The following CYGB variants were observed in gnomAD, a reference collection of about 807,000 sequenced individuals.
CYGB encodes the protein histoglobin.
CYGB carries 13 observed loss-of-function variants against 20.7 expected under a neutral mutation model. That is an observed-to-expected ratio of 0.63 (90% CI 0.41 to 1.00). The LOEUF (loss-of-function observed/expected upper bound fraction) is 1.00, where lower values mean the gene tolerates loss of function less well. Among genes scored for constraint, CYGB ranks in the 50% least tolerant of loss-of-function variants. The pLI, the probability that CYGB is intolerant of heterozygous loss-of-function variation, is 0.00. For missense variants in CYGB, 218 were observed against 257.2 expected (o/e 0.85, Z 1.04); for synonymous variants, 93 against 107.4 (o/e 0.87, Z 0.83).
Position 76,531,241 on chromosome 17 carries a change from C to G in CYGB, c.376-99G>C. ...CCACGTGTGGCCGAGAGGATCATTC[C>G]TAACGCAACAGTCTGGCAGCTTTGG... is the stretch of plus-strand genomic sequence containing the variant. On this transcript the variant is annotated intron_variant, in intron 2 of 3. Transcript: ENST00000293230. The surrounding 1 kb of genome is among the most constrained non-coding windows in gnomAD (Gnocchi z 7.4). 1 of 1,366,118 alleles carries G rather than the reference C, an allele frequency of 7.3e-7. No individual in the cohort carries two copies. Among genetic ancestry groups the G allele is most frequent in the Non-Finnish European group, 1.0e-6 (1 of 995,960 alleles). The allele number at this position is 1,366,118 out of a possible 1,614,324, so 84.6% of individuals were successfully genotyped here. A position where few individuals can be genotyped will look rare whatever the true frequency, so the allele number is the denominator to read the frequency against.
chr17:76,540,976 C>T (rs1425475950), upstream of CYGB, among the ~76,000 whole-genome samples: 1 of 152,214 alleles, frequency 6.6e-6, no homozygotes, highest in East Asian at 1.9e-4. The surrounding 1 kb of genome is among the most constrained non-coding windows in gnomAD (Gnocchi z 5.0). Context: ...CCTGAGCCTC[C>T]AGCAGGATTC....
At position 76,533,655 on chromosome 17, in the gene CYGB, C is replaced by G. The variant is rs2074876244; in HGVS notation, c.144-1964G>C. On this transcript the variant is annotated intron_variant, in intron 1 of 3. Coordinates refer to ENST00000293230, the MANE Select transcript of CYGB (RefSeq NM_134268.5). This position sits in a 1 kb window ranked among gnomAD's most constrained non-coding sequence, Gnocchi z 4.5. ...GGAGGATCACTTGAACCCGGGAGGC[C>G]AAGGCTGCAGGGAGCCAAGATTGTG... Among the ~76,000 whole-genome samples the G allele has an allele frequency of 6.6e-6, 1 of 152,010 alleles. No individual in the cohort carries two copies. Among genetic ancestry groups the G allele is most frequent in the East Asian group, 1.9e-4 (1 of 5,186 alleles).
At chr17:76,540,688 G>A (rs2074982134), upstream of CYGB, 1 of 1,045,340 alleles carries the variant, frequency 9.6e-7, no homozygotes, top group Non-Finnish European at 1.5e-6. This position sits in a 1 kb window ranked among gnomAD's most constrained non-coding sequence, Gnocchi z 5.0. Context: ...CCGTATCCTG[G>A]CCCTTGCCCT....
chr17:76,545,940 G>A (rs781642593), intron 1 of CYGB: 3 of 158,116 alleles, frequency 1.9e-5, no homozygotes, highest in Non-Finnish European at 4.2e-5. Flanking sequence ...GGATGGCAGA[G>A]GGTGGCATTG....
intron 3 of CYGB, chr17:76,529,079 C>T (rs1190038151): frequency 4.2e-5 from 38 of 911,056 alleles, no homozygotes; most frequent in Non-Finnish European, 4.8e-5. Flanking sequence ...CAAAGGCGCA[C>T]ACCCTGGAGC....
intron 1 of CYGB, among the ~76,000 whole-genome samples, chr17:76,534,146 T>TTCTCTC (rs71158013): frequency 0.15 from 19,042 of 128,662 alleles, 1,849 homozygotes; most frequent in East Asian, 0.29. Context: ...CTCTTTCTCT[T>TTCTCTC]TCTCTCTCTC....
intron 1 of CYGB, among the ~76,000 whole-genome samples, chr17:76,547,740 T>C (rs1567915494): frequency 1.5e-5 from 2 of 135,780 alleles, no homozygotes; most frequent in African/African-American, 2.8e-5. Flanking sequence ...CACACACACA[T>C]ACACAAACAC....
chr17:76,538,743 A>G (rs2074952462), upstream of CYGB, among the ~76,000 whole-genome samples: 1 of 152,132 alleles, frequency 6.6e-6, no homozygotes, highest in Admixed American at 6.5e-5. Flanking sequence ...TGGGGGGAGA[A>G]TCCCATGGTG....
At chr17:76,536,864 G>A (rs62086575) in intron 1 of CYGB, among the ~76,000 whole-genome samples, 1 of 152,082 alleles carries the variant, frequency 6.6e-6, no homozygotes, top group Non-Finnish European at 1.5e-5. Flanking sequence ...CAGCGGGAAG[G>A]GGGCAGCTGG....
intron 1 of CYGB, among the ~76,000 whole-genome samples, chr17:76,535,262 C>T (rs1265307869): frequency 3.9e-5 from 6 of 152,246 alleles, no homozygotes; most frequent in South Asian, 4.2e-4. Flanking sequence ...GCTGGCCTGG[C>T]GCAGTGGGGA....
In CYGB at chr17:76,530,157, G is replaced by C; in HGVS notation, c.539+822C>G. 5.4e-6 allele frequency: 5 copies of C among 921,458 alleles called. No individual in the cohort carries two copies. Among genetic ancestry groups the C allele is most frequent in the Non-Finnish European group, 6.5e-6 (5 of 771,430 alleles). 57.1% of individuals were successfully genotyped at this position (921,458 alleles called of 1,614,324 possible). On this transcript the variant is annotated intron_variant, in intron 3 of 3. Transcript: ENST00000293230. This position sits in a 1 kb window ranked among gnomAD's most constrained non-coding sequence, Gnocchi z 6.1. ...TCTACCACGCGTGTCCCGGGCTGCT[G>C]GCTGACCTCTGCTTCCCATTCCCGC... is the stretch of plus-strand genomic sequence containing the variant.
chr17:76,543,125 G>A, intron 1 of CYGB: 1 of 470,934 alleles, frequency 2.1e-6, no homozygotes, highest in South Asian at 1.5e-5. Context: ...AGAGAAGGTA[G>A]ACGCCTCCCT....
At chr17:76,529,676 C>T (rs2074811564) in intron 3 of CYGB, 2 of 985,296 alleles carry the variant, frequency 2.0e-6, no homozygotes, top group South Asian at 4.7e-5. Context: ...CCCTCCCCTC[C>T]TCTTCCCCTG....
At chr17:76,534,798 C>T (rs1023573401) in intron 1 of CYGB, among the ~76,000 whole-genome samples, 3 of 152,204 alleles carry the variant, frequency 2.0e-5, no homozygotes, top group African/African-American at 2.4e-5. Flanking sequence ...CACCCACCAC[C>T]GGGTTGTGGC....
chr17:76,529,096 G>GGA, intron 3 of CYGB: 1 of 973,226 alleles, frequency 1.0e-6, no homozygotes, highest in Non-Finnish European at 1.2e-6. Flanking sequence ...GAGCAGAGAC[G>GGA]GCTCAATAAA....
chr17:76,540,141 C>CA (rs1022135434), upstream of CYGB: 1 of 1,601,966 alleles, frequency 6.2e-7, no homozygotes, highest in African/African-American at 1.3e-5. This position sits in a 1 kb window ranked among gnomAD's most constrained non-coding sequence, Gnocchi z 5.0. Flanking sequence ...GCAGCTGCGC[C>CA]ATGTGCACCA....
chr17:76,529,196 C>G (rs948030487), intron 3 of CYGB: 2 of 985,274 alleles, frequency 2.0e-6, no homozygotes, highest in African/African-American at 1.7e-5. Context: ...ATCCTACCCT[C>G]GAGCCCATGG....
At position 76,531,398 on chromosome 17, in the gene CYGB, C is replaced by A. The variant is rs960171130; in HGVS notation, c.375+62G>T. ...CTCCAGAGAGCCGTCGCAGAGCCTG[C>A]GAGCTGCAGATGGCCATGACGCGTG... On this transcript the variant is annotated intron_variant, in intron 2 of 3. Transcript: ENST00000293230. The surrounding 1 kb of genome is among the most constrained non-coding windows in gnomAD (Gnocchi z 7.4). 1 of 1,553,458 alleles carries A rather than the reference C, an allele frequency of 6.4e-7. No individual in the cohort carries two copies. The highest frequency in any genetic ancestry group is 2.3e-5 in the East Asian group (1 of 43,932).
chr17:76,538,011 G>T (rs1211210038), upstream of CYGB: 2 of 151,572 alleles, frequency 1.3e-5, no homozygotes, highest in African/African-American at 4.8e-5. Context: ...TGGGCGGCGC[G>T]GGCCGCACAG....
Sources: allele counts gnomAD v4.1 joint callset (sites outside exome capture counted in the v4.1 genomes callset), GRCh38; gene constraint gnomAD v4.1.1; non-coding constraint Gnocchi (gnomAD v3.1); transcripts MANE v1.5; gene names NCBI Gene and HGNC (gene_info 2026-07-23, HGNC 2026-07-21).